Variants in GCNT1 observed in about 807,000 individuals in gnomAD.
GCNT1 encodes glucosaminyl (N-acetyl) transferase 1.
In GCNT1, 16 loss-of-function variants were observed where a neutral mutation model predicts 26.2. That is an observed-to-expected ratio of 0.61 (90% CI 0.41 to 0.93). The LOEUF (loss-of-function observed/expected upper bound fraction) is 0.93, where lower values mean the gene tolerates loss of function less well. Among genes scored for constraint, GCNT1 ranks in the 40% least tolerant of loss-of-function variants. GCNT1 has a pLI of 0.00. For missense variants in GCNT1, 477 were observed against 526.7 expected, an observed-to-expected ratio of 0.91 and a Z score of 0.92; for synonymous variants, 183 against 190.8, an observed-to-expected ratio of 0.96 and a Z score of 0.34.
chr9:76,451,223 T>G (rs1823659804), intron 1 of GCNT1, among the ~76,000 whole-genome samples: 1 of 152,158 alleles, frequency 6.6e-6, no homozygotes, highest in Non-Finnish European at 1.5e-5. Context: ...AAATCTGGAT[T>G]TAGGCAAGGG....
chr9:76,487,984 T>A (rs996714172), intron 2 of GCNT1, among the ~76,000 whole-genome samples: 2 of 152,178 alleles, frequency 1.3e-5, no homozygotes, highest in Non-Finnish European at 2.9e-5. Context: ...TCCACTCGCC[T>A]CCACCTCCCA....
chr9:76,439,494 G>A (rs1300192422), upstream of GCNT1, among the ~76,000 whole-genome samples: 1 of 151,880 alleles, frequency 6.6e-6, no homozygotes, highest in African/African-American at 2.4e-5. Context: ...CAAAGTGCTA[G>A]GATTACAGGC....
intron 1 of GCNT1, among the ~76,000 whole-genome samples, chr9:76,444,611 G>T (rs1437900390): frequency 6.6e-6 from 1 of 152,226 alleles, no homozygotes; most frequent in Non-Finnish European, 1.5e-5. Context: ...GACAGGGGCA[G>T]TTTCCCTAGA....
intron 2 of GCNT1, among the ~76,000 whole-genome samples, chr9:76,483,498 T>C (rs907619094): frequency 1.3e-5 from 2 of 152,056 alleles, no homozygotes; most frequent in Non-Finnish European, 2.9e-5. Flanking sequence ...CACCGCAGCC[T>C]CGAACTCCTG....
At chr9:76,448,177 CGCGGTGGCT>C (rs1823607546) in intron 1 of GCNT1, among the ~76,000 whole-genome samples, 1 of 152,168 alleles carries the variant, frequency 6.6e-6, no homozygotes, top group African/African-American at 2.4e-5. Context: ...CACAGCCAGG[CGCGGTGGCT>C]CGCGCCTGTA....
At chr9:76,472,650 T>C (rs77634128) in intron 2 of GCNT1, among the ~76,000 whole-genome samples, 3,359 of 152,276 alleles carry the variant, frequency 0.022, 120 homozygotes, top group African/African-American at 0.076. Context: ...TGTCTTTAAA[T>C]ATTTACAGTA....
intron 1 of GCNT1, 96 bp from the exon 2 acceptor site, chr9:76,459,964 T>C (rs1329634738): frequency 6.6e-6 from 1 of 152,210 alleles, no homozygotes; most frequent in South Asian, 2.1e-4. Context: ...TCTTTCCTCT[T>C]TTTTTTAAGT....
rs150016380 is a variant in GCNT1 at position 76,423,569 on chromosome 9, T to A, written n.38+3682T>A. Among the ~76,000 whole-genome samples the A allele has an allele frequency of 4.8e-4, 73 of 152,354 alleles. No homozygotes were observed. In the East Asian group the frequency reaches 0.011, roughly 24 times the overall value. On this transcript the variant is annotated intron_variant and non_coding_transcript_variant, in intron 1 of 3. Transcript: ENST00000488136. Reference sequence around the variant, plus strand: ...CAAAACAGACTAAAACAGAGGTCAGTCATCACAGTTACCAGTTTTGGCAAG... The same window carrying A: ...CAAAACAGACTAAAACAGAGGTCAGACATCACAGTTACCAGTTTTGGCAAG...
chr9:76,465,034 C>T (rs1823962156), intron 2 of GCNT1, among the ~76,000 whole-genome samples: 1 of 152,068 alleles, frequency 6.6e-6, no homozygotes, highest in African/African-American at 2.4e-5. Context: ...AGTGCAGTGG[C>T]TATTCACAGG....
upstream of GCNT1, among the ~76,000 whole-genome samples, chr9:76,436,677 T>C (rs1049954079): frequency 6.6e-6 from 1 of 151,712 alleles, no homozygotes; most frequent in Admixed American, 6.6e-5. Context: ...ATAACATTTA[T>C]TGATTTATTG....
chr9:76,497,153 T>C (rs138915038), intron 2 of GCNT1, among the ~76,000 whole-genome samples: 87 of 152,374 alleles, frequency 5.7e-4, no homozygotes, highest in African/African-American at 2.0e-3. Context: ...TGAAGGAACA[T>C]TGGGCAGAGC....
chr9:76,471,200 AT>A (rs1047869088), intron 2 of GCNT1, among the ~76,000 whole-genome samples: 34 of 152,108 alleles, frequency 2.2e-4, no homozygotes, highest in African/African-American at 8.0e-4. Context: ...TGATTTTTGT[AT>A]TTTTAGTAGA....
intron 1 of GCNT1, among the ~76,000 whole-genome samples, chr9:76,429,618 C>G (rs1823307136): frequency 6.6e-6 from 1 of 151,878 alleles, no homozygotes; most frequent in Non-Finnish European, 1.5e-5. Context: ...ATTTAGGAGG[C>G]TAGGTCCAGC....
chr9:76,417,467 CAGTAAGGAGTAA>C (rs1336953770), upstream of GCNT1, among the ~76,000 whole-genome samples: 2 of 152,282 alleles, frequency 1.3e-5, no homozygotes, highest in Non-Finnish European at 2.9e-5. Flanking sequence ...ACTCATTACT[CAGTAAGGAGTAA>C]CTGGATAAGA....
chr9:76,480,752 G>GAA, intron 2 of GCNT1, among the ~76,000 whole-genome samples: 1 of 152,088 alleles, frequency 6.6e-6, no homozygotes, highest in East Asian at 1.9e-4. Flanking sequence ...ATGATTACAA[G>GAA]AAAAAAATTC....
intron 1 of GCNT1, among the ~76,000 whole-genome samples, chr9:76,426,016 C>T (rs931860790): frequency 1.3e-5 from 2 of 152,144 alleles, no homozygotes; most frequent in African/African-American, 2.4e-5. Flanking sequence ...GGGTCAGAAT[C>T]TTGTAGCCTC....
chr9:76,419,041 G>C (rs2131568610), upstream of GCNT1, among the ~76,000 whole-genome samples: 1 of 152,250 alleles, frequency 6.6e-6, no homozygotes, highest in East Asian at 1.9e-4. Flanking sequence ...AGACCTCGAG[G>C]CTGCTTCTTT....
chr9:76,498,299 C>T (rs141513576), intron 2 of GCNT1, among the ~76,000 whole-genome samples: 10 of 152,176 alleles, frequency 6.6e-5, no homozygotes, highest in Non-Finnish European at 7.4e-5. Flanking sequence ...CAAGTTTTTG[C>T]GTGAATATAT....
At chr9:76,436,024 C>T (rs955568336) in intron 1 of GCNT1, among the ~76,000 whole-genome samples, 2 of 143,764 alleles carry the variant, frequency 1.4e-5, no homozygotes, top group African/African-American at 2.6e-5. Flanking sequence ...GGCACGATCT[C>T]GGCTCACTAC....
Sources: gnomAD v4.1 joint callset for allele counts (sites outside exome capture counted in the v4.1 genomes callset) on GRCh38, gnomAD v4.1.1 for gene constraint, MANE v1.5 for transcripts, NCBI Gene and HGNC (gene_info 2026-07-23, HGNC 2026-07-21) for gene names.